PKD1L1: variants seen among roughly 807,000 people sequenced by gnomAD.
PKD1L1 encodes the protein polycystin-1-like protein 1.
PKD1L1 carries 236 observed loss-of-function variants against 323.4 expected under a neutral mutation model. The observed-to-expected ratio is 0.73, with a 90% CI of 0.66 to 0.81. PKD1L1 has a LOEUF of 0.81. PKD1L1 is among the 40% of genes least tolerant of loss of function. The pLI, the probability that PKD1L1 is intolerant of heterozygous loss-of-function variation, is 0.00. For synonymous variants in PKD1L1, 1,344 were observed against 1,335.0 expected (o/e 1.01, Z -0.15); for missense variants, 3,320 against 3,508.0 (o/e 0.95, Z 1.35).
Position 47,808,499 on chromosome 7 carries a change from T to C in PKD1L1, c.7687-112A>G, listed in dbSNP as rs1784828853. ...GTCATGAGTCACTTAACTACAGGGA[T>C]GCCTTCTGAGAAATGCATCGCTGGG... On this transcript the variant is annotated intron_variant, in intron 51 of 56. Coordinates refer to ENST00000289672, the MANE Select transcript of PKD1L1 (RefSeq NM_138295.5). 5 of 1,321,456 alleles carry C rather than the reference T, an allele frequency of 3.8e-6. No individual in the cohort carries two copies. In the South Asian group the frequency reaches 6.9e-5, roughly 18 times the overall value. 81.9% of individuals were successfully genotyped at this position (1,321,456 alleles called of 1,614,324 possible).
Position 47,876,146 on chromosome 7 carries a change from G to C in PKD1L1, c.3735C>G (p.Thr1245=). 6.2e-7 allele frequency: 1 copy of C among 1,614,040 alleles called. No homozygotes were observed. The highest frequency in any genetic ancestry group is 8.5e-7 in the Non-Finnish European group (1 of 1,179,966). ...CAGCTGGCAACACAAAATAATACTGGGTGTCTCTCCCATGGTACAAAGTGT... is the reference window on the plus strand; with the variant it reads ...CAGCTGGCAACACAAAATAATACTGCGTGTCTCTCCCATGGTACAAAGTGT... ...SKHTLYHGRD[T]QYYFVLPAGE... is the part of the protein sequence containing the mutation. Residue 1245 remains threonine, a synonymous_variant, in exon 23 of 57, where the codon ACC becomes ACG. Transcript: ENST00000289672.
intron 46 of PKD1L1, chr7:47,818,105 G>A (rs1274170369): frequency 1.5e-6 from 2 of 1,367,828 alleles, no homozygotes; most frequent in South Asian, 1.1e-5. Flanking sequence ...GCAAATTGGA[G>A]GCCTGCCAGA....
At chr7:47,842,121 C>A (rs965695002) in intron 34 of PKD1L1, among the ~76,000 whole-genome samples, 1 of 152,206 alleles carries the variant, frequency 6.6e-6, no homozygotes, top group African/African-American at 2.4e-5. Context: ...ACCACTAAAT[C>A]TTCCTTTGTT....
At chr7:47,914,916 C>T (rs1472487158) in intron 8 of PKD1L1, among the ~76,000 whole-genome samples, 1 of 152,184 alleles carries the variant, frequency 6.6e-6, no homozygotes, top group African/African-American at 2.4e-5. Flanking sequence ...CTCCCTGTAA[C>T]CTCCTGAGCA....
chr7:47,934,637 G>C (rs75048169), intron 4 of PKD1L1, among the ~76,000 whole-genome samples: 1,855 of 152,206 alleles, frequency 0.012, 36 homozygotes, highest in African/African-American at 0.043. Flanking sequence ...AAAAAGAAAA[G>C]GGCACCCGTG....
rs373443080 is a variant in PKD1L1, at chr7:47,922,780, G to A, written c.1060+6424C>T. Among the ~76,000 whole-genome samples the A allele has an allele frequency of 4.6e-4, 69 of 150,346 alleles. 1 individual carries two copies. The highest frequency in any genetic ancestry group is 3.4e-3 in the South Asian group (16 of 4,722). ...GGGGCAGCCCCCACCCCGGCCAGCC[G>A]CCCCATCTGGGAAGTGGGGAGCCCC... On this transcript the variant is annotated intron_variant, in intron 7 of 56. Transcript: ENST00000289672.
intron 31 of PKD1L1, among the ~76,000 whole-genome samples, chr7:47,852,836 C>G (rs1562959270): frequency 6.6e-6 from 1 of 152,014 alleles, no homozygotes; most frequent in Non-Finnish European, 1.5e-5. Flanking sequence ...AAGACTTAGC[C>G]TGAGCACAAG....
intron 46 of PKD1L1, chr7:47,819,444 T>A: frequency 1.1e-6 from 1 of 939,816 alleles, no homozygotes; most frequent in Non-Finnish European, 1.4e-6. Context: ...AAGCCAGAGG[T>A]TTTTCATGTT....
At chr7:47,812,148 T>A in intron 49 of PKD1L1, 97 bp from the exon 50 acceptor site, 2 of 995,418 alleles carry the variant, frequency 2.0e-6, no homozygotes, top group Non-Finnish European at 3.0e-6. Flanking sequence ...GGGAACACCC[T>A]ATGCTAGACT....
At chr7:47,949,995 G>A (rs1028285447), upstream of PKD1L1, among the ~76,000 whole-genome samples, 1 of 152,174 alleles carries the variant, frequency 6.6e-6, no homozygotes, top group African/African-American at 2.4e-5. Context: ...TGTCCCCACT[G>A]TGCTTGTTGT....
intron 56 of PKD1L1, among the ~76,000 whole-genome samples, 197 bp from the exon 57 acceptor site, chr7:47,775,363 G>C (rs1375970305): frequency 6.6e-6 from 1 of 152,122 alleles, no homozygotes; most frequent in African/African-American, 2.4e-5. Flanking sequence ...TGAAACATCT[G>C]CCAAGTTAGA....
At chr7:47,879,856 C>G (rs1786496969) in intron 21 of PKD1L1, among the ~76,000 whole-genome samples, 1 of 127,130 alleles carries the variant, frequency 7.9e-6, no homozygotes, top group Non-Finnish European at 1.6e-5. Context: ...TGGCGTGAAC[C>G]TGGGAGGCAG....
At chr7:47,884,231 C>G (rs1786631388) in intron 19 of PKD1L1, among the ~76,000 whole-genome samples, 1 of 152,068 alleles carries the variant, frequency 6.6e-6, no homozygotes, top group Non-Finnish European at 1.5e-5. Context: ...AGGAAGACTT[C>G]CCAGAGAGAA....
At chr7:47,956,333 A>C in the PKD1L1 span, among the ~76,000 whole-genome samples, 3 of 152,318 alleles carry the variant, frequency 2.0e-5, no homozygotes, top group Middle Eastern at 3.4e-3. Flanking sequence ...ACAGGGGCAC[A>C]CTATGGTCCT....
intron 47 of PKD1L1, 71 bp from the exon 48 acceptor site, chr7:47,814,085 A>G: frequency 3.1e-6 from 4 of 1,303,118 alleles, no homozygotes; most frequent in Non-Finnish European, 3.3e-6. Flanking sequence ...AAGCGTGCTC[A>G]AAAGGCGTGG....
In PKD1L1 at chr7:47,811,854, C is replaced by T; in HGVS notation, c.7544G>A (p.Ser2515Asn). The T allele has an allele frequency of 6.2e-7, 1 of 1,609,784 alleles. No individual in the cohort carries two copies. The highest frequency in any genetic ancestry group is 1.1e-5 in the South Asian group (1 of 89,774). Residue 2515 changes from serine to asparagine, a missense_variant, in exon 50 of 57, where the codon AGC (serine) becomes AAC (asparagine). Transcript: ENST00000289672. ...SLVESFSIFR[S>N]DSALQYHLML... ...GAGGTGGTACTGCAGGGCTGAGTCG[C>T]TGCGGAAGATGCTGAATGACTCCAC...
chr7:47,855,284 T>C lies in PKD1L1; in HGVS notation c.4591-19A>G. On this transcript the variant is annotated intron_variant, in intron 28 of 56. Transcript: ENST00000289672. ...CACCAATCTTGGGGAACAAAGACCA[T>C]CTCAGAGCAAATGACAGCAAGCAAT... The C allele has an allele frequency of 6.3e-7, 1 of 1,583,862 alleles. No individual in the cohort carries two copies. Among genetic ancestry groups the C allele is most frequent in the Non-Finnish European group, 8.6e-7 (1 of 1,156,456 alleles).
chr7:47,890,880 A>G (rs1786801527), intron 15 of PKD1L1, 117 bp from the exon 16 acceptor site: 1 of 844,166 alleles, frequency 1.2e-6, no homozygotes, highest in African/African-American at 1.7e-5. Flanking sequence ...ACGTGCTGGG[A>G]AGAGATATTG....
intron 13 of PKD1L1, 55 bp from the exon 14 acceptor site, chr7:47,898,249 C>G (rs993874769): frequency 1.3e-5 from 18 of 1,414,046 alleles, no homozygotes; most frequent in East Asian, 4.6e-5. Context: ...ATCTAATGTA[C>G]TGGTAAATTA....
Sources: gnomAD v4.1 joint callset for allele counts (sites outside exome capture counted in the v4.1 genomes callset) on GRCh38, gnomAD v4.1.1 for gene constraint, MANE v1.5 for transcripts, NCBI Gene and HGNC (gene_info 2026-07-23, HGNC 2026-07-21) for gene names.